SYNPO2: variants seen among roughly 807,000 people sequenced by gnomAD.
The protein encoded by SYNPO2 is synaptopodin 2.
Under a neutral mutation model 85.0 loss-of-function variants are expected in SYNPO2, and 56 were observed. The observed-to-expected ratio is 0.66, with a 90% confidence interval of 0.53 to 0.82. The LOEUF (loss-of-function observed/expected upper bound fraction) is 0.82, where lower values mean the gene tolerates loss of function less well. SYNPO2 is among the 40% of genes least tolerant of loss of function. SYNPO2 has a pLI of 0.00. For missense variants in SYNPO2, 1,575 were observed against 1,534.2 expected (o/e 1.03, Z -0.44); for synonymous variants, 602 against 591.1 (o/e 1.02, Z -0.27).
intron 1 of SYNPO2, among the ~76,000 whole-genome samples, chr4:118,858,808 T>A (rs1207356036): frequency 6.6e-6 from 1 of 152,246 alleles, no homozygotes. Flanking sequence ...AGACAAAGGT[T>A]ATGGGTGTCC....
intron 1 of SYNPO2, among the ~76,000 whole-genome samples, chr4:119,015,379 G>A (rs113753879): frequency 0.015 from 2,329 of 152,206 alleles, 55 homozygotes; most frequent in African/African-American, 0.053. Context: ...TTTTATTTAT[G>A]AGAAAACTAG....
intron 1 of SYNPO2, among the ~76,000 whole-genome samples, chr4:119,017,208 A>G (rs1484711310): frequency 6.6e-6 from 1 of 152,140 alleles, no homozygotes; most frequent in Non-Finnish European, 1.5e-5. Flanking sequence ...TATTTTCATT[A>G]TTTAGACACA....
At chr4:118,922,203 T>C (rs931659286) in intron 1 of SYNPO2, among the ~76,000 whole-genome samples, 3 of 152,138 alleles carry the variant, frequency 2.0e-5, no homozygotes, top group African/African-American at 4.8e-5. Context: ...CAGTGAACCA[T>C]GTGTAGATTT....
chr4:119,022,202 C>T (rs991781661), intron 1 of SYNPO2, among the ~76,000 whole-genome samples: 14 of 152,086 alleles, frequency 9.2e-5, no homozygotes, highest in African/African-American at 3.4e-4. Context: ...CAAGTTGCCC[C>T]GTCCTGTACC....
chr4:118,907,051 G>A (rs1236401631), intron 1 of SYNPO2, among the ~76,000 whole-genome samples: 1 of 151,774 alleles, frequency 6.6e-6, no homozygotes, highest in Non-Finnish European at 1.5e-5. Flanking sequence ...CTAGTTTCAA[G>A]CTATTCTCCC....
At chr4:118,974,348 A>G (rs554906806) in intron 1 of SYNPO2, among the ~76,000 whole-genome samples, 1 of 152,372 alleles carries the variant, frequency 6.6e-6, no homozygotes, top group African/African-American at 2.4e-5. Flanking sequence ...GTTTGTGAAT[A>G]TACAGTCCAT....
intron 1 of SYNPO2, among the ~76,000 whole-genome samples, chr4:118,907,578 T>G (rs531405075): frequency 6.6e-6 from 1 of 152,306 alleles, no homozygotes; most frequent in South Asian, 2.1e-4. Context: ...ACTTGATTAG[T>G]ATAGTGCCAC....
intron 1 of SYNPO2, among the ~76,000 whole-genome samples, chr4:118,935,524 G>A (rs1734072085): frequency 6.6e-6 from 1 of 152,212 alleles, no homozygotes; most frequent in African/African-American, 2.4e-5. Context: ...ACCACACAAT[G>A]GTGGTCATAG....
intron 1 of SYNPO2, among the ~76,000 whole-genome samples, chr4:118,976,042 T>C (rs1735714503): frequency 6.6e-6 from 1 of 152,364 alleles, no homozygotes; most frequent in East Asian, 1.9e-4. Context: ...GAAATCTTTC[T>C]TGCCCAATAA....
At chr4:118,948,008 G>T (rs17261486) in intron 1 of SYNPO2, among the ~76,000 whole-genome samples, 14,769 of 152,074 alleles carry the variant, frequency 0.097, 840 homozygotes, top group East Asian at 0.16. Context: ...TGTCCATAAT[G>T]GTCCAAAAGG....
At chr4:118,991,244 T>G (rs1417962442) in intron 1 of SYNPO2, among the ~76,000 whole-genome samples, 1 of 152,088 alleles carries the variant, frequency 6.6e-6, no homozygotes, top group East Asian at 1.9e-4. Context: ...GCTTCCCAGG[T>G]TCAAGCAATT....
chr4:118,904,331 AT>A (rs1732860256), intron 1 of SYNPO2, among the ~76,000 whole-genome samples: 1 of 152,176 alleles, frequency 6.6e-6, no homozygotes, highest in Admixed American at 6.5e-5. Flanking sequence ...CTACTCAGTG[AT>A]TTTTGAGACC....
At chr4:118,898,497 C>T (rs946537388) in intron 1 of SYNPO2, among the ~76,000 whole-genome samples, 1 of 152,094 alleles carries the variant, frequency 6.6e-6, no homozygotes, top group Non-Finnish European at 1.5e-5. Flanking sequence ...ATCGAGATAA[C>T]CATAACATTG....
intron 1 of SYNPO2, among the ~76,000 whole-genome samples, chr4:118,999,577 TTGTA>T (rs961644553): frequency 4.0e-5 from 6 of 151,454 alleles, no homozygotes; most frequent in South Asian, 2.1e-4. Flanking sequence ...CCCAGCTAGC[TTGTA>T]TGTATGTATG....
chr4:119,037,434 A>T, intron 4 of SYNPO2: 4 of 1,132,948 alleles, frequency 3.5e-6, no homozygotes, highest in Non-Finnish European at 4.3e-6. Context: ...TCTTCTTGGA[A>T]GTAAATAACA....
At chr4:118,945,317 G>T (rs898078959) in intron 1 of SYNPO2, among the ~76,000 whole-genome samples, 5 of 152,094 alleles carry the variant, frequency 3.3e-5, no homozygotes, top group Non-Finnish European at 7.4e-5. Context: ...AATTGCCAAA[G>T]ATCAATACAG....
intron 1 of SYNPO2, among the ~76,000 whole-genome samples, chr4:118,866,994 T>C (rs781385025): frequency 2.6e-5 from 4 of 152,246 alleles, no homozygotes; most frequent in Non-Finnish European, 4.4e-5. Flanking sequence ...TTCTCCTTTT[T>C]TTTAAAGTCT....
chr4:118,959,711 CTCTATCACCT>C (rs1735003278), intron 1 of SYNPO2, among the ~76,000 whole-genome samples: 1 of 101,352 alleles, frequency 9.9e-6, no homozygotes, highest in South Asian at 3.5e-4. Flanking sequence ...TTCATTCCTC[CTCTATCACCT>C]TTTTTCTTTT....
chr4:119,021,195 A>G (rs930227988), intron 1 of SYNPO2, among the ~76,000 whole-genome samples: 1 of 152,218 alleles, frequency 6.6e-6, no homozygotes, highest in Non-Finnish European at 1.5e-5. Context: ...TCAAATTTCA[A>G]TAATGCCATT....
Sources: gnomAD v4.1 joint callset for allele counts (sites outside exome capture counted in the v4.1 genomes callset) on GRCh38, gnomAD v4.1.1 for gene constraint, MANE v1.5 for transcripts, NCBI Gene and HGNC (gene_info 2026-07-23, HGNC 2026-07-21) for gene names.